Variants in C9orf57 observed in about 807,000 individuals in gnomAD.
C9orf57 encodes the protein uncharacterized protein C9orf57.
In C9orf57, 12 loss-of-function variants were observed where a neutral mutation model predicts 12.9. That is an observed-to-expected ratio of 0.93 (90% CI 0.60 to 1.51). The LOEUF (loss-of-function observed/expected upper bound fraction) is 1.51, where lower values mean the gene tolerates loss of function less well. Among genes scored for constraint, C9orf57 ranks in the 40% most tolerant of loss-of-function variants. The probability of loss-of-function intolerance (pLI) is 0.00; values close to 1 mark genes in which losing one functional copy is unlikely to be tolerated. For missense variants in C9orf57, 141 were observed against 162.8 expected (o/e 0.87, Z 0.73); for synonymous variants, 49 against 57.1 (o/e 0.86, Z 0.64).
In C9orf57 at chr9:72,056,294, G is replaced by T. The variant is rs1003449757; in HGVS notation, c.158-98C>A. On this transcript the variant is annotated intron_variant, in intron 3 of 4. Coordinates refer to ENST00000651200, the MANE Select transcript of C9orf57 (RefSeq NM_001128618.2). ...TCAAAAAAATAAAGTAGTGATTTTT[G>T]ACTTTATATATATATATTTATGTTA... 5.9e-6 allele frequency: 4 copies of T among 673,980 alleles called. No homozygotes were observed. In the South Asian group the frequency reaches 1.7e-4, roughly 28 times the overall value. The allele number at this position is 673,980 out of a possible 1,614,324, so 41.7% of individuals were successfully genotyped here. A position where few individuals can be genotyped will look rare whatever the true frequency, so the allele number is the denominator to read the frequency against.
Position 72,060,587 on chromosome 9 carries a change from G to C in C9orf57, c.-144C>G. The C allele has an allele frequency of 1.3e-6, 2 of 1,533,640 alleles. No homozygotes were observed. The highest frequency in any genetic ancestry group is 1.7e-4 in the Middle Eastern group (1 of 5,892). On this transcript the variant is annotated 5_prime_UTR_variant, in exon 1 of 5. Coordinates refer to ENST00000651200, the MANE Select transcript of C9orf57 (RefSeq NM_001128618.2). ...CGAGTACAATTTGTGATGTGATGAA[G>C]TCCGTTACAACTGAAAGCGACACTC...
chr9:72,059,804 G>C (rs1436560237), intron 1 of C9orf57, among the ~76,000 whole-genome samples: 6 of 152,132 alleles, frequency 3.9e-5, no homozygotes, highest in Non-Finnish European at 1.5e-5. Flanking sequence ...CTGGGGGACA[G>C]AGCGAGACTG....
Position 72,056,096 on chromosome 9 carries a change from A to C in C9orf57, c.258T>G (p.Cys86Trp), listed in dbSNP as rs113127007. The C allele has an allele frequency of 2.6e-5, 41 of 1,550,502 alleles. No homozygotes were observed. The highest frequency in any genetic ancestry group is 1.8e-4 in the African/African-American group (13 of 73,082). Reference protein sequence around the residue: ...GTCQAEPGQYCKEEVHIQGGI... With the variant: ...GTCQAEPGQYWKEEVHIQGGI... Reference sequence around the variant, plus strand: ...TACCTTGAATGTGGACCTCTTCTTTACAGTACTGACCAGGTTCTGCCTGGC... The same window carrying C: ...TACCTTGAATGTGGACCTCTTCTTTCCAGTACTGACCAGGTTCTGCCTGGC... Residue 86 changes from cysteine to tryptophan, a missense_variant, in exon 4 of 5, where the codon TGT becomes TGG. Coordinates refer to ENST00000651200, the MANE Select transcript of C9orf57 (RefSeq NM_001128618.2).
At chr9:72,060,023 C>T (rs113674219) in intron 1 of C9orf57, among the ~76,000 whole-genome samples, 1,957 of 152,108 alleles carry the variant, frequency 0.013, 45 homozygotes, top group African/African-American at 0.045. Flanking sequence ...TACACATATT[C>T]ATTCATGCTC....
chr9:72,052,169 TC>T lies in C9orf57; in HGVS notation c.*126del. On this transcript the variant is annotated 3_prime_UTR_variant, in exon 5 of 5. Coordinates refer to ENST00000651200, the MANE Select transcript of C9orf57 (RefSeq NM_001128618.2). ...ACCAAAGTCAATTTCAGATCAAAAT[TC>T]CTTCTACCTACAAGGGTCTGAGGTT... The T allele has an allele frequency of 9.9e-7, 1 of 1,012,332 alleles. No individual in the cohort carries two copies. The allele number at this position is 1,012,332 out of a possible 1,614,324, so 62.7% of individuals were successfully genotyped here.
chr9:72,057,130 G>C (rs776133661), intron 2 of C9orf57, among the ~76,000 whole-genome samples: 2 of 152,084 alleles, frequency 1.3e-5, no homozygotes, highest in Non-Finnish European at 2.9e-5. Flanking sequence ...GCCCAGGCTG[G>C]TCTCTCTGCT....
intron 4 of C9orf57, among the ~76,000 whole-genome samples, chr9:72,054,523 C>T (rs1381633969): frequency 6.6e-6 from 1 of 152,152 alleles, no homozygotes; most frequent in African/African-American, 2.4e-5. Context: ...CCCATTTCCC[C>T]ATACTAACTC....
rs1170498716 is a variant in C9orf57, at chr9:72,052,005, T to A, written c.*291A>T. On this transcript the variant is annotated 3_prime_UTR_variant, in exon 5 of 5. Transcript: ENST00000651200. ...GACATGCCTAGTTTGACTTGGAGAA[T>A]CACTAACATTTTTCCTTCTTTGTAG... The A allele has an allele frequency of 9.7e-6, 3 of 308,734 alleles. No individual in the cohort carries two copies. Among genetic ancestry groups the A allele is most frequent in the African/African-American group, 6.5e-5 (3 of 46,130 alleles). 19.1% of individuals were successfully genotyped at this position (308,734 alleles called of 1,614,324 possible).
intron 2 of C9orf57, 122 bp downstream of exon 2, chr9:72,059,113 A>G (rs1382779285): frequency 7.8e-7 from 1 of 1,284,284 alleles, no homozygotes; most frequent in African/African-American, 1.5e-5. Context: ...CCGACCTCAG[A>G]CCTGATCCAC....
intron 3 of C9orf57, among the ~76,000 whole-genome samples, chr9:72,056,452 T>C (rs1296386898): frequency 1.3e-5 from 2 of 151,828 alleles, no homozygotes; most frequent in South Asian, 4.2e-4. Flanking sequence ...AATTGTGTAT[T>C]ACTTTTTTGT....
Position 72,052,121 on chromosome 9 carries a change from G to A in C9orf57, c.*175C>T, listed in dbSNP as rs115870107. 3.8e-3 allele frequency: 2,328 copies of A among 610,512 alleles called. 51 individuals carry two copies. The highest frequency in any genetic ancestry group is 0.037 in the African/African-American group (1,982 of 53,210). 37.8% of individuals were successfully genotyped at this position (610,512 alleles called of 1,614,324 possible). ...TTCTCAGATGAGTTGGAGGTGGTGG[G>A]GGAGATATTGGGAATATTGAAAACC... On this transcript the variant is annotated 3_prime_UTR_variant, in exon 5 of 5. Coordinates refer to ENST00000651200, the MANE Select transcript of C9orf57 (RefSeq NM_001128618.2).
At position 72,059,247 on chromosome 9, in the gene C9orf57, C is replaced by T. The variant is rs1414814187; in HGVS notation, c.85G>A (p.Gly29Ser). Residue 29 changes from glycine (G) to serine (S), a missense_variant, in exon 2 of 5, where the codon GGC (glycine) becomes AGC (serine). Physicochemically the swap from Gly to Ser is moderately conservative, Grantham distance 56. Coordinates refer to ENST00000651200, the MANE Select transcript of C9orf57 (RefSeq NM_001128618.2). ...CCTAATGACTTACCACCTAAGCGGCCGAATAAGATAACACCTAAGAGGCGG... is the reference window on the plus strand; with the variant it reads ...CCTAATGACTTACCACCTAAGCGGCTGAATAAGATAACACCTAAGAGGCGG... ...LFRLLGVILF[G>S]RLGDLGTCQT... The T allele has an allele frequency of 1.2e-5, 19 of 1,551,512 alleles. No individual in the cohort carries two copies. Among genetic ancestry groups the T allele is most frequent in the African/African-American group, 6.8e-5 (5 of 73,100 alleles).
intron 2 of C9orf57, among the ~76,000 whole-genome samples, chr9:72,058,222 G>C (rs1474576527): frequency 6.6e-6 from 1 of 152,078 alleles, no homozygotes; most frequent in Non-Finnish European, 1.5e-5. Flanking sequence ...GTGCAGTGGT[G>C]CAATCTCATC....
chr9:72,052,466 C>A (rs1239613642), intron 4 of C9orf57, 31 bp from the exon 5 acceptor site: 2 of 1,547,190 alleles, frequency 1.3e-6, no homozygotes, highest in Non-Finnish European at 1.7e-6. Context: ...AAGGAAATTT[C>A]TTGGGAGGTA....
intron 2 of C9orf57, 42 bp from the exon 3 acceptor site, chr9:72,056,885 C>T: frequency 6.8e-7 from 1 of 1,475,290 alleles, no homozygotes; most frequent in East Asian, 2.5e-5. Flanking sequence ...ATTGCATGCT[C>T]TGCAAATGTA....
chr9:72,054,914 A>ATTTTT lies in C9orf57; in HGVS notation c.280+1155_280+1159dup, dbSNP rs71353558. Among the ~76,000 whole-genome samples the ATTTTT allele has an allele frequency of 8.8e-4, 85 of 96,494 alleles. 2 individuals carry two copies. Among genetic ancestry groups the ATTTTT allele is most frequent in the Admixed American group, 1.1e-3 (8 of 7,104 alleles). The allele number at this position is 96,494 out of a possible 152,430, so 63.3% of individuals were successfully genotyped here. A position where few individuals can be genotyped will look rare whatever the true frequency, so the allele number is the denominator to read the frequency against. ...TTCCTTTACAACTTTGGGGTTTGGG[A>ATTTTT]TTTTTTTTTTTTTTTTTTTTTTGAG... On this transcript the variant is annotated intron_variant, in intron 4 of 4. Coordinates refer to ENST00000651200, the MANE Select transcript of C9orf57 (RefSeq NM_001128618.2).
intron 2 of C9orf57, among the ~76,000 whole-genome samples, chr9:72,057,691 C>T (rs1381974362): frequency 6.6e-6 from 1 of 152,146 alleles, no homozygotes; most frequent in Non-Finnish European, 1.5e-5. Flanking sequence ...AATTAAATCA[C>T]CCCAAATTTA....
At chr9:72,055,999 T>C (rs562392824) in intron 4 of C9orf57, 75 bp downstream of exon 4, 75 of 1,441,468 alleles carry the variant, frequency 5.2e-5, no homozygotes, top group East Asian at 2.0e-4. Flanking sequence ...TAGCATCTGG[T>C]ATATGAAAGT....
chr9:72,056,912 CTT>C (rs36059196), intron 2 of C9orf57, 69 bp from the exon 3 acceptor site: 5,626 of 984,546 alleles, frequency 5.7e-3, no homozygotes, highest in East Asian at 0.013. Context: ...TATATGTATA[CTT>C]TTTTTTTTTT....
Sources: allele counts gnomAD v4.1 joint callset (sites outside exome capture counted in the v4.1 genomes callset), GRCh38; gene constraint gnomAD v4.1.1; transcripts MANE v1.5; gene names NCBI Gene and HGNC (gene_info 2026-07-23, HGNC 2026-07-21).